Variants in WDR35 observed in about 807,000 individuals in gnomAD.
WDR35 encodes WD repeat-containing protein 35.
Under a neutral mutation model 158.3 loss-of-function variants are expected in WDR35, and 118 were observed. The ratio of observed to expected loss-of-function variants is 0.75; its 90% CI spans 0.64 to 0.87. WDR35 has a LOEUF of 0.87. WDR35 is among the 40% of genes least tolerant of loss of function. The probability of loss-of-function intolerance (pLI) is 0.00; values close to 1 mark genes in which losing one functional copy is unlikely to be tolerated. For missense variants in WDR35, 1,263 were observed against 1,405.8 expected (o/e 0.90, Z 1.62); for synonymous variants, 448 against 476.1 (o/e 0.94, Z 0.77).
chr2:19,987,901 T>A (rs547869687), intron 2 of WDR35, among the ~76,000 whole-genome samples: 1 of 149,544 alleles, frequency 6.7e-6, no homozygotes, highest in Non-Finnish European at 1.5e-5. Context: ...TATATATATA[T>A]ACACACGTAT....
At chr2:19,967,215 G>A (rs1015276859) in intron 9 of WDR35, among the ~76,000 whole-genome samples, 9 of 152,130 alleles carry the variant, frequency 5.9e-5, no homozygotes, top group Admixed American at 5.9e-4. Flanking sequence ...CTGCTGGAGA[G>A]GGGACAACAG....
At chr2:19,984,034 TATATATAC>T (rs1207878695) in intron 2 of WDR35, among the ~76,000 whole-genome samples, 1 of 3,316 alleles carries the variant, frequency 3.0e-4, no homozygotes, top group African/African-American at 4.4e-4. Flanking sequence ...TATATATATA[TATATATAC>T]ATATATACAC....
At position 19,931,372 on chromosome 2, in the gene WDR35, A is replaced by G; in HGVS notation, c.2861T>C (p.Leu954Ser). The G allele has an allele frequency of 6.2e-7, 1 of 1,613,512 alleles. No individual in the cohort carries two copies. Among genetic ancestry groups the G allele is most frequent in the Non-Finnish European group, 8.5e-7 (1 of 1,179,700 alleles). The change falls in exon 24 of 27, where the codon TTA (leucine) becomes TCA (serine). Residue 954 changes from leucine (L) to serine (S), a missense_variant. Leu to Ser is a moderately radical substitution (Grantham distance 145). Coordinates refer to ENST00000281405, the MANE Select transcript of WDR35 (RefSeq NM_020779.4). ...DEEAKKGSKP[L>S]RVKKLYVLSA... ...CAGTACATAGAGCTTCTTGACACGT[A>G]AAGGTTTACTTCCTTTCTTTGCCTC...
At chr2:19,985,824 G>A (rs1211215996) in intron 2 of WDR35, among the ~76,000 whole-genome samples, 1 of 145,464 alleles carries the variant, frequency 6.9e-6, no homozygotes, top group Non-Finnish European at 1.5e-5. Flanking sequence ...TTGAACCCGG[G>A]AAGTGGAAGT....
At chr2:19,975,320 C>T (rs1243243992) in intron 6 of WDR35, among the ~76,000 whole-genome samples, 1 of 151,986 alleles carries the variant, frequency 6.6e-6, no homozygotes, top group Non-Finnish European at 1.5e-5. Context: ...AAGCTACACT[C>T]GAACTTGTTG....
intron 25 of WDR35, among the ~76,000 whole-genome samples, 175 bp downstream of exon 25, chr2:19,930,221 T>C (rs1383327688): frequency 6.6e-6 from 1 of 152,100 alleles, no homozygotes; most frequent in Non-Finnish European, 1.5e-5. Flanking sequence ...CTATGTGTTT[T>C]CTCTGTATTA....
intron 7 of WDR35, 100 bp downstream of exon 7, chr2:19,974,368 C>T: frequency 8.1e-7 from 1 of 1,227,768 alleles, no homozygotes; most frequent in Non-Finnish European, 1.1e-6. Flanking sequence ...AAGATCGTGC[C>T]ACTGCACTCC....
intron 10 of WDR35, among the ~76,000 whole-genome samples, chr2:19,963,128 C>T (rs1411018881): frequency 6.6e-6 from 1 of 152,186 alleles, no homozygotes; most frequent in Non-Finnish European, 1.5e-5. Context: ...ATTCCCTTTT[C>T]CACCCCACCC....
intron 16 of WDR35, among the ~76,000 whole-genome samples, chr2:19,944,809 G>T (rs1022689400): frequency 2.0e-5 from 3 of 152,004 alleles, no homozygotes; most frequent in Non-Finnish European, 4.4e-5. Flanking sequence ...AATAATTTAG[G>T]ATATTAAAGG....
intron 20 of WDR35, 70 bp downstream of exon 20, chr2:19,936,149 C>T (rs1210453191): frequency 5.0e-6 from 8 of 1,604,900 alleles, no homozygotes; most frequent in Non-Finnish European, 6.8e-6. Context: ...AGGATTACTT[C>T]CTAGAGAAGT....
intron 2 of WDR35, among the ~76,000 whole-genome samples, chr2:19,985,899 GAAAAAAAAAAAAAA>G (rs70939024): frequency 0.39 from 28,207 of 71,940 alleles, 3,633 homozygotes; most frequent in South Asian, 0.6. Flanking sequence ...CCCATCTCGG[GAAAAAAAAAAAAAA>G]AAAAAAAAAA....
At position 19,980,701 on chromosome 2, in the gene WDR35, C is replaced by T. The variant is rs779065567; in HGVS notation, c.297G>A (p.Met99Ile). 3 of 1,613,084 alleles carry T rather than the reference C, an allele frequency of 1.9e-6. No homozygotes were observed. Among genetic ancestry groups the T allele is most frequent in the East Asian group, 2.2e-5 (1 of 44,780 alleles). Residue 99 changes from methionine to isoleucine, a missense_variant, in exon 4 of 27, where the codon ATG becomes ATA. By Grantham distance (10) the Met-to-Ile change is conservative. Coordinates refer to ENST00000281405, the MANE Select transcript of WDR35 (RefSeq NM_020779.4). Reference sequence around the variant, plus strand: ...CCTAGTAAAGTATACCTTTATATAACATCCACACAATGATAAGCCCGTTTT... The same window carrying T: ...CCTAGTAAAGTATACCTTTATATAATATCCACACAATGATAAGCCCGTTTT... ...SDENGLIIVW[M>I]LYKGSWIEEM...
At chr2:19,937,996 C>T in intron 18 of WDR35, 50 bp from the exon 19 acceptor site, 1 of 1,594,028 alleles carries the variant, frequency 6.3e-7, no homozygotes, top group Non-Finnish European at 8.6e-7. Flanking sequence ...AAATTACTGA[C>T]AAACTAGTCT....
chr2:19,981,272 T>C lies in WDR35; in HGVS notation c.215-489A>G, dbSNP rs562317519. ...TAAACCTCTAGGGTACGTGAATAAT[T>C]GATGACTTTTAATTTTTTAATCCCT... On this transcript the variant is annotated intron_variant, in intron 3 of 26. Transcript: ENST00000281405. Among the ~76,000 whole-genome samples the C allele has an allele frequency of 3.9e-5, 6 of 152,312 alleles. No individual in the cohort carries two copies. The East Asian group carries it at 1.2e-3, about 29-fold the overall frequency.
chr2:19,920,573 CAT>C (rs1359461901), intron 25 of WDR35, among the ~76,000 whole-genome samples: 2 of 152,172 alleles, frequency 1.3e-5, no homozygotes, highest in African/African-American at 4.8e-5. Flanking sequence ...ACTGATGGAA[CAT>C]ATCTCAAAAT....
At position 19,934,393 on chromosome 2, in the gene WDR35, ATGTT is replaced by A. The variant is rs1311668122; in HGVS notation, c.2548-886_2548-883del. On this transcript the variant is annotated intron_variant, in intron 21 of 26. Coordinates refer to ENST00000281405, the MANE Select transcript of WDR35 (RefSeq NM_020779.4). The surrounding 1 kb of genome is among the most constrained non-coding windows in gnomAD (Gnocchi z 4.6). ...CTTTGTCCTTTGAATATATATGTAT[ATGTT>A]TGTGTTGTACACAATCACACAATAC... Among the ~76,000 whole-genome samples the A allele has an allele frequency of 6.6e-6, 1 of 152,140 alleles. No individual in the cohort carries two copies. Among genetic ancestry groups the A allele is most frequent in the Non-Finnish European group, 1.5e-5 (1 of 68,006 alleles).
intron 11 of WDR35, among the ~76,000 whole-genome samples, chr2:19,957,661 T>A (rs534040989): frequency 6.6e-6 from 1 of 152,120 alleles, no homozygotes; most frequent in Non-Finnish European, 1.5e-5. Flanking sequence ...CAAGCGATTC[T>A]CCTGCCACAG....
intron 2 of WDR35, among the ~76,000 whole-genome samples, chr2:19,984,329 G>T (rs1224305129): frequency 4.6e-5 from 7 of 152,038 alleles, no homozygotes; most frequent in African/African-American, 1.7e-4. Flanking sequence ...TCCATAAAAA[G>T]GCCAAAAGTT....
At chr2:19,922,014 A>G (rs1670182682) in intron 25 of WDR35, among the ~76,000 whole-genome samples, 1 of 152,248 alleles carries the variant, frequency 6.6e-6, no homozygotes, top group Admixed American at 6.5e-5. Flanking sequence ...CAAAACCACA[A>G]TGAGATACCA....
Sources: gnomAD v4.1 joint callset for allele counts (sites outside exome capture counted in the v4.1 genomes callset) on GRCh38, gnomAD v4.1.1 for gene constraint, Gnocchi (gnomAD v3.1) non-coding constraint, MANE v1.5 for transcripts, NCBI Gene and HGNC (gene_info 2026-07-23, HGNC 2026-07-21) for gene names.